ARHGAP5: variants seen among roughly 807,000 people sequenced by gnomAD.
ARHGAP5 encodes the protein rho GTPase-activating protein 5.
In ARHGAP5, 23 loss-of-function variants were observed where a neutral mutation model predicts 116.6. The observed-to-expected ratio is 0.20, with a 90% confidence interval of 0.14 to 0.28. ARHGAP5 has a LOEUF of 0.28. Among genes scored for constraint, ARHGAP5 ranks in the 10% least tolerant of loss-of-function variants. ARHGAP5 has a pLI of 1.00. For synonymous variants in ARHGAP5, 574 were observed against 602.0 expected (o/e 0.95, Z 0.68); for missense variants, 1,405 against 1,774.8 (o/e 0.79, Z 3.74).
chr14:32,120,205 C>A (rs1226014425), intron 3 of ARHGAP5, among the ~76,000 whole-genome samples: 3 of 151,954 alleles, frequency 2.0e-5, no homozygotes, highest in African/African-American at 7.2e-5. Context: ...TCATTCATTT[C>A]ATCTAAATTG....
In ARHGAP5 at chr14:32,154,915, A is replaced by G. The variant is rs760662675; in HGVS notation, c.4476A>G (p.Pro1492=). 1.2e-6 allele frequency: 2 copies of G among 1,613,798 alleles called. No individual in the cohort carries two copies. Among genetic ancestry groups the G allele is most frequent in the African/African-American group, 1.3e-5 (1 of 75,056 alleles). The change falls in exon 7 of 7, where the codon CCA becomes CCG. Residue 1492 remains proline (P), a synonymous_variant. Transcript: ENST00000345122. ...PPPLQPQLIQ[P]QLQTDPLGII is the part of the protein sequence containing the mutation. ...CATTGCAACCTCAGCTGATACAACCACAATTACAAACGGATCCTCTTGGTA... is the reference window on the plus strand; with the variant it reads ...CATTGCAACCTCAGCTGATACAACCGCAATTACAAACGGATCCTCTTGGTA...
At chr14:32,118,963 G>T (rs1012876653) in intron 3 of ARHGAP5, among the ~76,000 whole-genome samples, 1 of 152,114 alleles carries the variant, frequency 6.6e-6, no homozygotes, top group African/African-American at 2.4e-5. Context: ...AGGATAAAAT[G>T]CAGGTCTAGT....
intron 3 of ARHGAP5, among the ~76,000 whole-genome samples, 159 bp from the exon 4 acceptor site, chr14:32,146,104 G>T (rs191104486): frequency 3.7e-4 from 57 of 152,196 alleles, no homozygotes; most frequent in African/African-American, 1.3e-3. Flanking sequence ...TAGAGACAGA[G>T]TCTCCCTGTG....
chr14:32,121,778 AC>A (rs1879900840), intron 3 of ARHGAP5, among the ~76,000 whole-genome samples: 1 of 152,004 alleles, frequency 6.6e-6, no homozygotes, highest in East Asian at 1.9e-4. Context: ...CCCCCCATCA[AC>A]TTTCTGCCTT....
chr14:32,080,484 C>A (rs1286116736), intron 1 of ARHGAP5, among the ~76,000 whole-genome samples: 1 of 150,714 alleles, frequency 6.6e-6, no homozygotes, highest in African/African-American at 2.4e-5. Flanking sequence ...TAAAAAAAAA[C>A]AAAACTGATC....
rs1362827912 is a variant in ARHGAP5, at chr14:32,158,935, T to G, written c.*3987T>G. The G allele has an allele frequency of 6.6e-6, 1 of 152,110 alleles. No homozygotes were observed. Among genetic ancestry groups the G allele is most frequent in the East Asian group, 1.9e-4 (1 of 5,198 alleles). 9.4% of individuals were successfully genotyped at this position (152,110 alleles called of 1,614,324 possible). On this transcript the variant is annotated 3_prime_UTR_variant, in exon 7 of 7. Transcript: ENST00000345122. ...AACTTTGGGAGTCTTCACTATTCAA[T>G]TGATCCTCATCATTGTCCTATTTGC...
At position 32,148,587 on chromosome 14, in the gene ARHGAP5, A is replaced by G. The variant is rs369629479; in HGVS notation, c.3944-1315A>G. 5.9e-4 allele frequency among the ~76,000 whole-genome samples: 90 copies of G among 152,360 alleles called. 2 individuals carry two copies. The South Asian group carries it at 0.011, about 18-fold the overall frequency. ...TAAAGCATAGCATCATATCATTTTCATATTATTGTAATATATTTAAATGAA... is the reference window on the plus strand; with the variant it reads ...TAAAGCATAGCATCATATCATTTTCGTATTATTGTAATATATTTAAATGAA... On this transcript the variant is annotated intron_variant, in intron 4 of 6. Coordinates refer to ENST00000345122, the MANE Select transcript of ARHGAP5 (RefSeq NM_001030055.2).
intron 3 of ARHGAP5, among the ~76,000 whole-genome samples, chr14:32,121,050 C>G (rs1014425343): frequency 1.3e-4 from 15 of 111,128 alleles, no homozygotes; most frequent in African/African-American, 4.8e-4. Flanking sequence ...AGGGTTCTCT[C>G]TCTAACACCC....
At chr14:32,085,122 A>G (rs1025291329) in intron 1 of ARHGAP5, among the ~76,000 whole-genome samples, 1 of 152,148 alleles carries the variant, frequency 6.6e-6, no homozygotes, top group African/African-American at 2.4e-5. Flanking sequence ...CACTTTTCAC[A>G]GCATTGATAA....
intron 2 of ARHGAP5, among the ~76,000 whole-genome samples, chr14:32,107,087 C>T (rs1879054344): frequency 1.3e-5 from 2 of 152,244 alleles, no homozygotes; most frequent in South Asian, 2.1e-4. Context: ...GGTGTTTTTT[C>T]ATTATAACAG....
At chr14:32,099,839 A>G (rs1878709222) in intron 2 of ARHGAP5, among the ~76,000 whole-genome samples, 2 of 152,326 alleles carry the variant, frequency 1.3e-5, no homozygotes, top group South Asian at 2.1e-4. Context: ...CATTAATGGC[A>G]TCTAAGGAAG....
chr14:32,092,406 G>A lies in ARHGAP5; in HGVS notation c.1737G>A (p.Leu579=). 6.2e-7 allele frequency: 1 copy of A among 1,613,234 alleles called. No homozygotes were observed. Among genetic ancestry groups the A allele is most frequent in the African/African-American group, 1.3e-5 (1 of 74,962 alleles). The change falls in exon 2 of 7, where the codon TTG becomes TTA. Residue 579 remains leucine, a synonymous_variant. Transcript: ENST00000345122. This position sits in a 1 kb window ranked among gnomAD's most constrained non-coding sequence, Gnocchi z 4.1. ...EQLLASSLLQ[L]DHGRLRLYHD... is the part of the protein sequence containing the mutation. ...TACTTGCTAGTAGTCTTTTACAGTT[G>A]GATCATGGCCGCTTAAGATTATATC...
intron 3 of ARHGAP5, among the ~76,000 whole-genome samples, chr14:32,130,662 T>C (rs1880439415): frequency 6.6e-6 from 1 of 152,030 alleles, no homozygotes; most frequent in African/African-American, 2.4e-5. Flanking sequence ...TGCTTCAGCC[T>C]CCTGAGACTA....
At chr14:32,114,549 A>G (rs537665824) in intron 2 of ARHGAP5, among the ~76,000 whole-genome samples, 1 of 152,276 alleles carries the variant, frequency 6.6e-6, no homozygotes, top group South Asian at 2.1e-4. Context: ...TTAGGTCTTG[A>G]GCCAGAAACA....
At chr14:32,106,176 C>T (rs1490825391) in intron 2 of ARHGAP5, among the ~76,000 whole-genome samples, 1 of 152,148 alleles carries the variant, frequency 6.6e-6, no homozygotes, top group East Asian at 1.9e-4. Flanking sequence ...GGCTACAGTG[C>T]AGTGGCGCGA....
chr14:32,154,468 A>T (rs1881801195), intron 6 of ARHGAP5, 153 bp from the exon 7 acceptor site: 1 of 706,098 alleles, frequency 1.4e-6, no homozygotes, highest in South Asian at 2.0e-5. Flanking sequence ...TTTTTTACAT[A>T]CGAATTAAAG....
chr14:32,150,073 G>T, intron 5 of ARHGAP5, 40 bp downstream of exon 5: 2 of 1,483,756 alleles, frequency 1.3e-6, no homozygotes, highest in Non-Finnish European at 1.8e-6. Flanking sequence ...GATGATAATG[G>T]CAGTTTTTGG....
intron 3 of ARHGAP5, among the ~76,000 whole-genome samples, chr14:32,121,668 G>T (rs1316448351): frequency 6.6e-6 from 1 of 152,082 alleles, no homozygotes. Context: ...TATTCACAGA[G>T]TTGTACCAGC....
intron 3 of ARHGAP5, among the ~76,000 whole-genome samples, chr14:32,130,018 A>G (rs911713241): frequency 6.6e-6 from 1 of 152,000 alleles, no homozygotes; most frequent in African/African-American, 2.4e-5. Flanking sequence ...AGCCATGATC[A>G]CAGTACTGCA....
Sources: gnomAD v4.1 joint callset for allele counts (sites outside exome capture counted in the v4.1 genomes callset) on GRCh38, gnomAD v4.1.1 for gene constraint, Gnocchi (gnomAD v3.1) non-coding constraint, MANE v1.5 for transcripts, NCBI Gene and HGNC (gene_info 2026-07-23, HGNC 2026-07-21) for gene names.